ABHD17B: variants seen among roughly 807,000 people sequenced by gnomAD.
ABHD17B encodes the protein alpha/beta hydrolase domain-containing protein 17B.
In ABHD17B, 9 loss-of-function variants were observed where a neutral mutation model predicts 26.2. The ratio of observed to expected loss-of-function variants is 0.34; its 90% CI spans 0.21 to 0.60. The LOEUF (loss-of-function observed/expected upper bound fraction) is 0.60. ABHD17B is among the 20% of genes least tolerant of loss of function. The pLI, the probability that ABHD17B is intolerant of heterozygous loss-of-function variation, is 0.80. For synonymous variants in ABHD17B, 127 were observed against 122.3 expected, an observed-to-expected ratio of 1.04 and a Z score of -0.25; for missense variants, 224 against 352.1, an observed-to-expected ratio of 0.64 and a Z score of 2.91.
At chr9:71,879,387 A>G (rs1826375256) in intron 1 of ABHD17B, among the ~76,000 whole-genome samples, 1 of 152,194 alleles carries the variant, frequency 6.6e-6, no homozygotes, top group South Asian at 2.1e-4. Flanking sequence ...TAAGAGGTAA[A>G]AATGTGCTGG....
chr9:71,871,588 C>A (rs1826115415), intron 2 of ABHD17B, among the ~76,000 whole-genome samples: 1 of 152,162 alleles, frequency 6.6e-6, no homozygotes, highest in Non-Finnish European at 1.5e-5. Flanking sequence ...GAAATTTGGG[C>A]TACAGCTAGC....
At chr9:71,906,464 C>T (rs1357849420) in intron 1 of ABHD17B, among the ~76,000 whole-genome samples, 1 of 152,152 alleles carries the variant, frequency 6.6e-6, no homozygotes, top group African/African-American at 2.4e-5. Context: ...TTTCTTTTAG[C>T]AGTGCTTCTT....
intron 1 of ABHD17B, among the ~76,000 whole-genome samples, chr9:71,877,420 TTTG>T (rs1336532455): frequency 2.0e-5 from 3 of 152,198 alleles, no homozygotes; most frequent in Non-Finnish European, 4.4e-5. Context: ...CAGAAACACT[TTTG>T]TTGTTGTTTT....
At chr9:71,863,529 G>A (rs1445443092), downstream of ABHD17B, among the ~76,000 whole-genome samples, 14 of 152,058 alleles carry the variant, frequency 9.2e-5, no homozygotes, top group Admixed American at 8.5e-4. Flanking sequence ...GGAATACAAA[G>A]TCTCAAACGA....
At chr9:71,867,124 G>GT (rs1825981336) in intron 3 of ABHD17B, 118 bp from the exon 4 acceptor site, 7 of 1,272,036 alleles carry the variant, frequency 5.5e-6, no homozygotes, top group Admixed American at 4.9e-5. Flanking sequence ...AGTTCAGAAG[G>GT]TAAGAATGTC....
At chr9:71,882,671 C>A (rs577317571) in intron 1 of ABHD17B, among the ~76,000 whole-genome samples, 6 of 148,368 alleles carry the variant, frequency 4.0e-5, no homozygotes, top group South Asian at 4.3e-4. Context: ...AAAAAAAAAA[C>A]CAAGAAAACA....
chr9:71,899,515 C>G (rs1827069845), intron 1 of ABHD17B, among the ~76,000 whole-genome samples: 1 of 152,126 alleles, frequency 6.6e-6, no homozygotes, highest in South Asian at 2.1e-4. Flanking sequence ...CTTGAATACC[C>G]TTTTAGGCAG....
rs1015415559 is a variant in ABHD17B, at chr9:71,866,445, A to T, written c.*342T>A. On this transcript the variant is annotated 3_prime_UTR_variant, in exon 4 of 4. Coordinates refer to ENST00000333421, the MANE Select transcript of ABHD17B (RefSeq NM_001025780.3). ...AAGATTTAATATATTGAGATGTTTTAAAAATATTTATAAATTTGTTTCTAG... is the reference window on the plus strand; with the variant it reads ...AAGATTTAATATATTGAGATGTTTTTAAAATATTTATAAATTTGTTTCTAG... The T allele has an allele frequency of 6.0e-6, 6 of 1,004,944 alleles. No individual in the cohort carries two copies. The South Asian group carries it at 2.4e-4, about 40-fold the overall frequency. The allele number at this position is 1,004,944 out of a possible 1,614,324, so 62.3% of individuals were successfully genotyped here. A position where few individuals can be genotyped will look rare whatever the true frequency, so the allele number is the denominator to read the frequency against.
chr9:71,893,475 T>G (rs1214763321), intron 1 of ABHD17B, among the ~76,000 whole-genome samples: 1 of 152,178 alleles, frequency 6.6e-6, no homozygotes. Context: ...TTATAAAGGA[T>G]ATTACAAAGG....
At chr9:71,906,006 G>A (rs374159592) in intron 1 of ABHD17B, among the ~76,000 whole-genome samples, 2 of 152,190 alleles carry the variant, frequency 1.3e-5, no homozygotes, top group Admixed American at 1.3e-4. Flanking sequence ...CAGTGATCAT[G>A]CTACTACACT....
chr9:71,904,919 A>C (rs1827241497), intron 1 of ABHD17B, among the ~76,000 whole-genome samples: 1 of 152,198 alleles, frequency 6.6e-6, no homozygotes. Flanking sequence ...ATCCATGAGC[A>C]CCTCATTATA....
intron 1 of ABHD17B, among the ~76,000 whole-genome samples, chr9:71,890,017 T>A (rs1172243275): frequency 2.0e-5 from 3 of 151,986 alleles, no homozygotes; most frequent in Non-Finnish European, 4.4e-5. Context: ...TCCCAGCACT[T>A]TAGGAAGCAG....
At chr9:71,910,314 C>T (rs890934926) in intron 1 of ABHD17B, among the ~76,000 whole-genome samples, 1 of 152,134 alleles carries the variant, frequency 6.6e-6, no homozygotes. Flanking sequence ...CGAGGAGGAC[C>T]AAAGACCTTC....
Position 71,870,024 on chromosome 9 carries a change from AATG to A in ABHD17B, c.647+56_647+58del, listed in dbSNP as rs1447117688. 24 of 1,465,302 alleles carry A rather than the reference AATG, an allele frequency of 1.6e-5. No individual in the cohort carries two copies. In the African/African-American group the frequency reaches 3.0e-4, roughly 18 times the overall value. The allele number at this position is 1,465,302 out of a possible 1,614,324, so 90.8% of individuals were successfully genotyped here. On this transcript the variant is annotated intron_variant, in intron 3 of 3. Transcript: ENST00000333421. ...AGTGAACTGTGTCATGAATACTTTAAATGATGAAAAAATTCCCAAGTTTCTTGG... is the reference window on the plus strand; with the variant it reads ...AGTGAACTGTGTCATGAATACTTTAAATGAAAAAATTCCCAAGTTTCTTGG...
chr9:71,875,907 G>T (rs942384039), intron 1 of ABHD17B, among the ~76,000 whole-genome samples: 3 of 152,190 alleles, frequency 2.0e-5, no homozygotes, highest in African/African-American at 7.2e-5. Flanking sequence ...TGTGAGAAAG[G>T]AAACTTGCAC....
intron 1 of ABHD17B, among the ~76,000 whole-genome samples, chr9:71,884,990 G>A (rs1008996034): frequency 2.0e-5 from 3 of 151,988 alleles, no homozygotes; most frequent in Non-Finnish European, 4.4e-5. Flanking sequence ...TTTCATATGG[G>A]GGCAAAAGAG....
chr9:71,894,260 T>C (rs997892915), intron 1 of ABHD17B, among the ~76,000 whole-genome samples: 20 of 152,176 alleles, frequency 1.3e-4, no homozygotes, highest in African/African-American at 4.6e-4. Context: ...TATTTCTTAT[T>C]TATCAGTTGG....
At chr9:71,877,139 T>C (rs1441388416) in intron 1 of ABHD17B, among the ~76,000 whole-genome samples, 1 of 152,190 alleles carries the variant, frequency 6.6e-6, no homozygotes, top group Admixed American at 6.5e-5. Context: ...GCTACAAATT[T>C]ACTATCCTGG....
At chr9:71,863,031 A>G (rs1000642008), downstream of ABHD17B, among the ~76,000 whole-genome samples, 3 of 152,132 alleles carry the variant, frequency 2.0e-5, no homozygotes, top group African/African-American at 7.2e-5. Context: ...TATGGTATAT[A>G]TTCATGTAGG....
Sources: gnomAD v4.1 joint callset for allele counts (sites outside exome capture counted in the v4.1 genomes callset) on GRCh38, gnomAD v4.1.1 for gene constraint, MANE v1.5 for transcripts, NCBI Gene and HGNC (gene_info 2026-07-23, HGNC 2026-07-21) for gene names.